P4HA3: variants seen among roughly 807,000 people sequenced by gnomAD.
P4HA3 encodes prolyl 4-hydroxylase subunit alpha 3, also known as prolyl 4-hydroxylase subunit alpha-3.
In P4HA3, 60 loss-of-function variants were observed where a neutral mutation model predicts 66.7. The ratio of observed to expected loss-of-function variants is 0.90; its 90% CI spans 0.73 to 1.12. The LOEUF is 1.12. Among genes scored for constraint, P4HA3 ranks in the 50% most tolerant of loss-of-function variants. The pLI is 0.00. For missense variants in P4HA3, 683 were observed against 685.8 expected, an observed-to-expected ratio of 1.00 and a Z score of 0.05; for synonymous variants, 263 against 274.6, an observed-to-expected ratio of 0.96 and a Z score of 0.42.
Position 74,267,231 on chromosome 11 carries a change from T to TTC in P4HA3, c.*15_*16dup. The TTC allele has an allele frequency of 6.2e-7, 1 of 1,614,130 alleles. No individual in the cohort carries two copies. The highest frequency in any genetic ancestry group is 8.5e-7 in the Non-Finnish European group (1 of 1,180,038). On this transcript the variant is annotated 3_prime_UTR_variant, in exon 13 of 13. Coordinates refer to ENST00000331597, the MANE Select transcript of P4HA3 (RefSeq NM_182904.5). ...TGGAAAGCCACAGGACTCCACCAGC[T>TTC]TCTCTCTGCCAACAGTTCAGTCTTC...
intron 9 of P4HA3, among the ~76,000 whole-genome samples, chr11:74,274,292 GGTTTTTTTTTT>G (rs1860313729): frequency 6.7e-6 from 1 of 149,890 alleles, no homozygotes; most frequent in Admixed American, 6.7e-5. Flanking sequence ...TCCAATTCTT[GGTTTTTTTTTT>G]GTTTTTTTTT....
intron 15 of P4HA3, among the ~76,000 whole-genome samples, chr11:74,255,242 GTGAAT>G (rs1463350687): frequency 1.2e-4 from 19 of 152,228 alleles, no homozygotes; most frequent in Non-Finnish European, 2.5e-4. Flanking sequence ...GATACCCACA[GTGAAT>G]GACTTCTCTT....
chr11:74,253,545 C>G (rs369860847), intron 15 of P4HA3: 56 of 1,587,606 alleles, frequency 3.5e-5, no homozygotes, highest in Non-Finnish European at 4.8e-5. Context: ...ACATCGAGCT[C>G]TGTTGTAAAT....
At chr11:74,273,197 C>T (rs1490010176) in intron 10 of P4HA3, among the ~76,000 whole-genome samples, 1 of 152,166 alleles carries the variant, frequency 6.6e-6, no homozygotes. Context: ...ACTGATTAGT[C>T]CATGAGACCT....
intron 1 of P4HA3, among the ~76,000 whole-genome samples, chr11:74,310,989 CA>C (rs1861722274): frequency 6.6e-6 from 1 of 152,212 alleles, no homozygotes; most frequent in African/African-American, 2.4e-5. Context: ...GTGTCTGTGT[CA>C]GTGTGACACA....
At chr11:74,254,800 C>A (rs909527471) in intron 15 of P4HA3, 5 of 152,648 alleles carry the variant, frequency 3.3e-5, no homozygotes, top group Admixed American at 6.5e-5. Flanking sequence ...CTCCAGAAAC[C>A]CCTTTCCCTA....
chr11:74,283,090 C>T (rs1210016703), intron 7 of P4HA3, among the ~76,000 whole-genome samples: 3 of 152,110 alleles, frequency 2.0e-5, no homozygotes, highest in African/African-American at 7.2e-5. Flanking sequence ...GTCTTCAGTT[C>T]CCATGGGGAA....
downstream of P4HA3, among the ~76,000 whole-genome samples, chr11:74,265,650 C>G (rs1298388081): frequency 6.6e-6 from 1 of 152,228 alleles, no homozygotes; most frequent in African/African-American, 2.4e-5. Context: ...TCATCACACT[C>G]TGCTTATAAA....
At chr11:74,281,201 A>G (rs1183720389) in intron 7 of P4HA3, among the ~76,000 whole-genome samples, 5 of 152,198 alleles carry the variant, frequency 3.3e-5, no homozygotes, top group East Asian at 3.9e-4. Context: ...TTAGAATGGC[A>G]ATCATTAAAA....
At chr11:74,268,054 TG>T (rs1439055762) in intron 12 of P4HA3, 90 bp downstream of exon 12, 42 of 1,095,904 alleles carry the variant, frequency 3.8e-5, no homozygotes, top group Non-Finnish European at 5.2e-5. Context: ...GCGTTTGGAA[TG>T]GGATGGCTGT....
At chr11:74,288,995 C>A in intron 5 of P4HA3, 84 bp downstream of exon 5, 21 of 842,336 alleles carry the variant, frequency 2.5e-5, no homozygotes, top group Non-Finnish European at 3.3e-5. Context: ...CTGTATTTCT[C>A]TTGCAGGAAT....
chr11:74,296,865 G>A (rs1480230204), intron 4 of P4HA3, among the ~76,000 whole-genome samples: 1 of 151,050 alleles, frequency 6.6e-6, no homozygotes, highest in Non-Finnish European at 1.5e-5. Context: ...ACTCTGTTTG[G>A]CTTTAACACA....
intron 8 of P4HA3, among the ~76,000 whole-genome samples, chr11:74,278,198 T>C (rs1860467689): frequency 6.6e-6 from 1 of 151,954 alleles, no homozygotes; most frequent in African/African-American, 2.4e-5. Flanking sequence ...TTTTGAAGAG[T>C]GCATAAAATT....
rs150858627 is a variant in P4HA3, at chr11:74,268,046, G to A, written c.1564+99C>T. 2.2e-4 allele frequency: 226 copies of A among 1,034,918 alleles called. No individual in the cohort carries two copies. In the East Asian group the frequency reaches 3.7e-3, roughly 17 times the overall value. 64.1% of individuals were successfully genotyped at this position (1,034,918 alleles called of 1,614,324 possible). A position where few individuals can be genotyped will look rare whatever the true frequency, so the allele number is the denominator to read the frequency against. ...ATATAATGTGGCACTGTAATGAAGC[G>A]TTTGGAATGGGATGGCTGTGGTAGG... On this transcript the variant is annotated intron_variant, in intron 12 of 12. Coordinates refer to ENST00000331597, the MANE Select transcript of P4HA3 (RefSeq NM_182904.5).
At chr11:74,268,015 T>G (rs1860048332) in intron 12 of P4HA3, 130 bp downstream of exon 12, 1 of 780,236 alleles carries the variant, frequency 1.3e-6, no homozygotes. Flanking sequence ...TAATCTGATC[T>G]TCTCAATATA....
chr11:74,286,680 G>T (rs1420454318), intron 5 of P4HA3, among the ~76,000 whole-genome samples: 1 of 152,156 alleles, frequency 6.6e-6, no homozygotes, highest in African/African-American at 2.4e-5. Context: ...GAAGATGGCT[G>T]CTCTGGGATA....
intron 12 of P4HA3, among the ~76,000 whole-genome samples, chr11:74,267,826 CA>C (rs1860041097): frequency 6.6e-6 from 1 of 152,200 alleles, no homozygotes; most frequent in South Asian, 2.1e-4. Context: ...ACAGGAGAGA[CA>C]ATGGCTTGAC....
intron 7 of P4HA3, among the ~76,000 whole-genome samples, chr11:74,280,858 G>C (rs974335016): frequency 6.6e-6 from 1 of 152,138 alleles, no homozygotes; most frequent in Non-Finnish European, 1.5e-5. Flanking sequence ...GACAGTCTTG[G>C]AAAAGCCTCT....
At chr11:74,289,023 A>G in intron 5 of P4HA3, 56 bp downstream of exon 5, 2 of 1,307,412 alleles carry the variant, frequency 1.5e-6, no homozygotes, top group East Asian at 5.4e-5. Context: ...CAGGAGCAGA[A>G]GGGAGTTCCC....
Sources: allele counts gnomAD v4.1 joint callset (sites outside exome capture counted in the v4.1 genomes callset), GRCh38; gene constraint gnomAD v4.1.1; transcripts MANE v1.5; gene names NCBI Gene and HGNC (gene_info 2026-07-23, HGNC 2026-07-21).